Variants in PEMT observed in about 807,000 individuals in gnomAD.
PEMT encodes the protein phosphatidylethanolamine N-methyltransferase.
Under a neutral mutation model 27.4 loss-of-function variants are expected in PEMT, and 23 were observed. The ratio of observed to expected loss-of-function variants is 0.84; its 90% CI spans 0.60 to 1.19. The LOEUF is 1.19. PEMT is among the 50% of genes most tolerant of loss of function. PEMT has a pLI of 0.00. For synonymous variants in PEMT, 137 were observed against 139.1 expected (o/e 0.98, Z 0.11); for missense variants, 307 against 310.1 (o/e 0.99, Z 0.07).
chr17:17,508,962 G>T (rs999031896), intron 5 of PEMT: 7 of 295,036 alleles, frequency 2.4e-5, no homozygotes, highest in Admixed American at 5.2e-5. Flanking sequence ...CCCGCACAAG[G>T]GTCCGCAAAC....
intron 2 of PEMT, among the ~76,000 whole-genome samples, chr17:17,571,765 G>C (rs574516595): frequency 1.3e-5 from 2 of 151,026 alleles, no homozygotes; most frequent in African/African-American, 4.9e-5. Context: ...CTGGAGTTCA[G>C]TGGCTTGAGC....
At chr17:17,537,239 A>G (rs1036001326) in intron 2 of PEMT, among the ~76,000 whole-genome samples, 2 of 152,060 alleles carry the variant, frequency 1.3e-5, no homozygotes, top group African/African-American at 4.8e-5. Flanking sequence ...CGGAGGTGGG[A>G]GCCCAGAGCT....
chr17:17,543,274 CCA>C (rs1316697124), intron 2 of PEMT, among the ~76,000 whole-genome samples: 1 of 152,236 alleles, frequency 6.6e-6, no homozygotes, highest in African/African-American at 2.4e-5. Context: ...GCTGAGCACT[CCA>C]CACTGTCCTT....
chr17:17,577,056 AC>A, intron 1 of PEMT, 29 bp from the exon 2 acceptor site: 1 of 1,540,276 alleles, frequency 6.5e-7, no homozygotes, highest in African/African-American at 1.4e-5. Flanking sequence ...CATCAGCACC[AC>A]CCAGACACAG....
chr17:17,531,601 G>A (rs1908092777), intron 2 of PEMT, among the ~76,000 whole-genome samples: 2 of 98,116 alleles, frequency 2.0e-5, no homozygotes, highest in African/African-American at 7.9e-5. Context: ...GATGCCACTG[G>A]AACAATTGGC....
chr17:17,577,739 C>T (rs1209713633), intron 1 of PEMT, among the ~76,000 whole-genome samples: 3 of 152,008 alleles, frequency 2.0e-5, no homozygotes, highest in East Asian at 3.9e-4. Flanking sequence ...CTAGGTCGGC[C>T]GGGCGCGGTG....
At chr17:17,514,450 G>A (rs1906648505) in intron 3 of PEMT, among the ~76,000 whole-genome samples, 1 of 152,240 alleles carries the variant, frequency 6.6e-6, no homozygotes, top group Non-Finnish European at 1.5e-5. Flanking sequence ...GGGAGAAAGG[G>A]AGAAGGGCCT....
At chr17:17,550,294 G>T (rs532437252) in intron 2 of PEMT, among the ~76,000 whole-genome samples, 1 of 152,186 alleles carries the variant, frequency 6.6e-6, no homozygotes, top group South Asian at 2.1e-4. Flanking sequence ...GCTGCCGCTC[G>T]GTTTCTCTGG....
chr17:17,553,883 C>T (rs1175006935), intron 2 of PEMT, among the ~76,000 whole-genome samples: 1 of 152,238 alleles, frequency 6.6e-6, no homozygotes, highest in Non-Finnish European at 1.5e-5. Flanking sequence ...AGGAGAGGAG[C>T]CGCACTTGGG....
intron 3 of PEMT, among the ~76,000 whole-genome samples, chr17:17,514,374 C>T (rs1024964313): frequency 4.6e-5 from 7 of 152,364 alleles, no homozygotes; most frequent in Non-Finnish European, 8.8e-5. Context: ...GCATATTCAT[C>T]GACTGGAGAG....
At chr17:17,533,082 A>G (rs1391512365) in intron 2 of PEMT, among the ~76,000 whole-genome samples, 1 of 152,236 alleles carries the variant, frequency 6.6e-6, no homozygotes, top group Non-Finnish European at 1.5e-5. Context: ...CCTGATTTCA[A>G]ACTTACCACA....
At position 17,591,643 on chromosome 17, in the gene PEMT, G is replaced by A. The variant is rs779323056; in HGVS notation, c.-17C>T. On this transcript the variant is annotated 5_prime_UTR_variant, in exon 1 of 7. Coordinates refer to ENST00000255389, the MANE Select transcript of PEMT (RefSeq NM_148172.3). ...TCTCTTCATCCGGGGGCCGCCTCAG[G>A]AGGCACCACGCGGGCCCCGCTGCAG... The A allele has an allele frequency of 3.7e-6, 6 of 1,606,004 alleles. No individual in the cohort carries two copies. In the South Asian group the frequency reaches 5.6e-5, roughly 15 times the overall value.
chr17:17,532,464 T>C (rs992986042), intron 2 of PEMT, among the ~76,000 whole-genome samples: 1 of 152,136 alleles, frequency 6.6e-6, no homozygotes, highest in Admixed American at 6.5e-5. Context: ...AGAATAAATA[T>C]AACAAAAGTA....
At chr17:17,518,225 G>A (rs529231430) in intron 3 of PEMT, 1 of 903,626 alleles carries the variant, frequency 1.1e-6, no homozygotes, top group South Asian at 5.1e-5. Context: ...AGCCAGGAGG[G>A]AGGAAGGGCT....
At chr17:17,566,513 C>T (rs141182724) in intron 2 of PEMT, among the ~76,000 whole-genome samples, 7 of 152,274 alleles carry the variant, frequency 4.6e-5, no homozygotes, top group African/African-American at 7.2e-5. Flanking sequence ...CCTCAGTTCC[C>T]GGGGCTAGGG....
rs190653276 is a variant in PEMT at position 17,570,863 on chromosome 17, G to A, written c.204+6057C>T. The A allele has an allele frequency of 4.6e-4, 455 of 985,128 alleles. No individual in the cohort carries two copies. The African/African-American group carries it at 6.8e-3, about 15-fold the overall frequency. The allele number at this position is 985,128 out of a possible 1,614,324, so 61.0% of individuals were successfully genotyped here. A position where few individuals can be genotyped will look rare whatever the true frequency, so the allele number is the denominator to read the frequency against. On this transcript the variant is annotated intron_variant, in intron 2 of 6. Coordinates refer to ENST00000255389, the MANE Select transcript of PEMT (RefSeq NM_148172.3). The stretch of plus-strand genomic sequence containing the variant: ...GTAGAGTCCGCGAGGGTACAGATCC[G>A]GGGGCAGGTGAGAAGAGGGAGTCCA...
intron 3 of PEMT, among the ~76,000 whole-genome samples, chr17:17,519,307 G>A (rs555242053): frequency 1.6e-4 from 24 of 152,316 alleles, no homozygotes; most frequent in African/African-American, 4.6e-4. Context: ...AAAGGTGAGA[G>A]GAGAAAAGCA....
intron 2 of PEMT, among the ~76,000 whole-genome samples, chr17:17,533,092 A>T (rs1327822326): frequency 6.6e-6 from 1 of 152,226 alleles, no homozygotes; most frequent in Non-Finnish European, 1.5e-5. Flanking sequence ...AACTTACCAC[A>T]ATGCAACAGT....
rs577795654 is a variant in PEMT, at chr17:17,555,818, T to G, written c.204+21102A>C. On this transcript the variant is annotated intron_variant, in intron 2 of 6. Coordinates refer to ENST00000255389, the MANE Select transcript of PEMT (RefSeq NM_148172.3). ...AAGCCACCTGTTTTTCTGCCTCCCA[T>G]CCTCTGAATATGGCATCTGGGTGGG... Among the ~76,000 whole-genome samples, 30 of 152,240 alleles carry G rather than the reference T, an allele frequency of 2.0e-4. No individual in the cohort carries two copies. In the South Asian group the frequency reaches 5.8e-3, roughly 29 times the overall value.
Sources: gnomAD v4.1 joint callset for allele counts (sites outside exome capture counted in the v4.1 genomes callset) on GRCh38, gnomAD v4.1.1 for gene constraint, MANE v1.5 for transcripts, NCBI Gene and HGNC (gene_info 2026-07-23, HGNC 2026-07-21) for gene names.